TUSC3: variants seen among roughly 807,000 people sequenced by gnomAD.
TUSC3 encodes dolichyl-diphosphooligosaccharide--protein glycosyltransferase subunit TUSC3.
In TUSC3, 45 loss-of-function variants were observed where a neutral mutation model predicts 44.8. The ratio of observed to expected loss-of-function variants is 1.00; its 90% CI spans 0.79 to 1.29. The LOEUF (loss-of-function observed/expected upper bound fraction) is 1.29. Among genes scored for constraint, TUSC3 ranks in the 50% most tolerant of loss-of-function variants. The probability of loss-of-function intolerance (pLI) is 0.00; values close to 1 mark genes in which losing one functional copy is unlikely to be tolerated. For synonymous variants in TUSC3, 212 were observed against 152.9 expected (o/e 1.39, Z -2.85); for missense variants, 519 against 437.9 (o/e 1.19, Z -1.65).
intron 1 of TUSC3, among the ~76,000 whole-genome samples, chr8:15,463,375 T>C (rs1461523842): frequency 6.6e-6 from 1 of 152,148 alleles, no homozygotes; most frequent in East Asian, 1.9e-4. Flanking sequence ...TGGCATAGAA[T>C]AGTCTCAACA....
At chr8:15,802,706 A>G in the TUSC3 span, among the ~76,000 whole-genome samples, 931 of 151,668 alleles carry the variant, frequency 6.1e-3, 7 homozygotes, top group African/African-American at 0.022. Context: ...TACTGGTCAT[A>G]TAGTCCATCT....
the TUSC3 span, among the ~76,000 whole-genome samples, chr8:15,840,921 G>A: frequency 6.6e-6 from 1 of 152,144 alleles, no homozygotes; most frequent in Non-Finnish European, 1.5e-5. Flanking sequence ...TAGGAATTAA[G>A]GTTGAAGTAA....
intron 1 of TUSC3, among the ~76,000 whole-genome samples, chr8:15,470,777 G>A (rs1442088901): frequency 1.3e-5 from 2 of 152,056 alleles, no homozygotes; most frequent in African/African-American, 4.8e-5. Context: ...CAGTTCCTCT[G>A]GTTTTCTGTC....
chr8:15,497,768 A>G (rs539030621), intron 2 of TUSC3, among the ~76,000 whole-genome samples: 83 of 149,966 alleles, frequency 5.5e-4, no homozygotes, highest in African/African-American at 1.9e-3. Context: ...TTTTTGAGAC[A>G]AAGTCTCGCT....
the TUSC3 span, among the ~76,000 whole-genome samples, chr8:15,819,597 C>T: frequency 1.3e-5 from 2 of 152,152 alleles, no homozygotes; most frequent in African/African-American, 4.8e-5. Flanking sequence ...AGCAAATAAT[C>T]TCTTGTAATA....
chr8:15,560,430 C>T (rs1490265474), intron 1 of TUSC3, among the ~76,000 whole-genome samples: 2 of 148,052 alleles, frequency 1.4e-5, no homozygotes, highest in South Asian at 4.4e-4. Context: ...TCTGGCTGCC[C>T]TTAACATTTT....
chr8:15,729,927 T>C (rs566488627), intron 6 of TUSC3, among the ~76,000 whole-genome samples: 1 of 152,244 alleles, frequency 6.6e-6, no homozygotes, highest in African/African-American at 2.4e-5. Flanking sequence ...TTATACATCA[T>C]AAATGATGTA....
intron 6 of TUSC3, among the ~76,000 whole-genome samples, chr8:15,697,783 C>T (rs1191465964): frequency 2.6e-5 from 4 of 152,066 alleles, no homozygotes; most frequent in Admixed American, 2.6e-4. Flanking sequence ...TTGGAGTAAC[C>T]TGAGAAATTG....
At chr8:15,814,511 G>A in the TUSC3 span, among the ~76,000 whole-genome samples, 1 of 152,256 alleles carries the variant, frequency 6.6e-6, no homozygotes, top group South Asian at 2.1e-4. Flanking sequence ...TCAACAATTA[G>A]TACATTTTCT....
intron 3 of TUSC3, among the ~76,000 whole-genome samples, chr8:15,655,165 T>C (rs529034134): frequency 9.9e-5 from 15 of 152,188 alleles, no homozygotes; most frequent in Admixed American, 3.9e-4. Context: ...AAAATAATAA[T>C]TGGTTGCAGC....
chr8:15,528,485 A>T (rs1250812602), intron 2 of TUSC3, among the ~76,000 whole-genome samples: 1 of 152,218 alleles, frequency 6.6e-6, no homozygotes, highest in Non-Finnish European at 1.5e-5. Flanking sequence ...GCATTTTTAA[A>T]CCATGAGAAC....
chr8:15,817,005 T>G, the TUSC3 span, among the ~76,000 whole-genome samples: 1 of 152,208 alleles, frequency 6.6e-6, no homozygotes, highest in Admixed American at 6.5e-5. Context: ...GGCCAGAAAC[T>G]GAAGTTACTG....
intron 2 of TUSC3, among the ~76,000 whole-genome samples, chr8:15,517,676 C>T (rs541855701): frequency 1.3e-5 from 2 of 151,600 alleles, no homozygotes; most frequent in Non-Finnish European, 2.9e-5. Context: ...TCAAGTTATA[C>T]TGCACACGAA....
chr8:15,463,221 A>G (rs915561216), intron 1 of TUSC3, among the ~76,000 whole-genome samples: 1 of 152,062 alleles, frequency 6.6e-6, no homozygotes, highest in Non-Finnish European at 1.5e-5. Flanking sequence ...ATTTACTACA[A>G]ATTACTTAGC....
At chr8:15,517,137 G>T (rs891431228) in intron 2 of TUSC3, among the ~76,000 whole-genome samples, 2 of 152,038 alleles carry the variant, frequency 1.3e-5, no homozygotes, top group African/African-American at 4.8e-5. Context: ...GTACTCCAGG[G>T]ATTCTCTAGC....
chr8:15,748,811 C>T (rs578056165), intron 9 of TUSC3: 1 of 495,536 alleles, frequency 2.0e-6, no homozygotes, highest in African/African-American at 1.9e-5. Flanking sequence ...ATATAATTCA[C>T]TGTTCATTGT....
chr8:15,641,082 C>T (rs187324750), intron 2 of TUSC3, among the ~76,000 whole-genome samples: 9 of 152,104 alleles, frequency 5.9e-5, no homozygotes, highest in East Asian at 3.9e-4. Context: ...AGGTTGAGGC[C>T]GGGCGCGGTG....
rs148649952 is a variant in TUSC3 at position 15,492,073 on chromosome 8, C to G, written n.189+8590C>G. Among the ~76,000 whole-genome samples, 484 of 152,276 alleles carry G rather than the reference C, an allele frequency of 3.2e-3. 4 individuals carry two copies. Among genetic ancestry groups the G allele is most frequent in the African/African-American group, 0.011 (457 of 41,564 alleles). ...TCCTCATATTCCTGGCTATGTCTTA[C>G]TCACTGACTTATTTGTAAACCATTT... On this transcript the variant is annotated intron_variant and non_coding_transcript_variant, in intron 2 of 5. Transcript: ENST00000503191.
the TUSC3 span, among the ~76,000 whole-genome samples, chr8:15,842,450 CTATT>C: frequency 6.6e-6 from 1 of 152,122 alleles, no homozygotes; most frequent in Non-Finnish European, 1.5e-5. Context: ...TTTCATGTCT[CTATT>C]TATTTATTTT....
Sources: gnomAD v4.1 joint callset for allele counts (sites outside exome capture counted in the v4.1 genomes callset) on GRCh38, gnomAD v4.1.1 for gene constraint, MANE v1.5 for transcripts, NCBI Gene and HGNC (gene_info 2026-07-23, HGNC 2026-07-21) for gene names.